Variants in RYR3 observed in about 807,000 individuals in gnomAD.
The protein encoded by RYR3 is ryanodine receptor 3, also known as brain ryanodine receptor-calcium release channel.
A neutral mutation model predicts 584.3 loss-of-function variants in RYR3; 207 were observed. The observed-to-expected ratio is 0.35, with a 90% confidence interval of 0.32 to 0.40. The LOEUF (loss-of-function observed/expected upper bound fraction) is 0.40. RYR3 is among the 10% of genes least tolerant of loss of function. The probability of loss-of-function intolerance (pLI) is 1.00; values close to 1 mark genes in which losing one functional copy is unlikely to be tolerated. For synonymous variants in RYR3, 2,416 were observed against 2,248.5 expected (o/e 1.07, Z -2.11); for missense variants, 5,616 against 6,089.2 (o/e 0.92, Z 2.59).
chr15:33,417,852 T>A (rs2043929485), intron 1 of RYR3, among the ~76,000 whole-genome samples: 1 of 152,180 alleles, frequency 6.6e-6, no homozygotes, highest in South Asian at 2.1e-4. Flanking sequence ...TTTTGAGGTA[T>A]GTTCCTTTGA....
In RYR3 at chr15:33,822,980, C is replaced by T. The variant is rs751352325; in HGVS notation, c.10996-16C>T. 7 of 1,606,918 alleles carry T rather than the reference C, an allele frequency of 4.4e-6. No homozygotes were observed. The highest frequency in any genetic ancestry group is 6.0e-6 in the Non-Finnish European group (7 of 1,175,652). On this transcript the variant is annotated splice_polypyrimidine_tract_variant and intron_variant, in intron 80 of 103. Coordinates refer to ENST00000634891, the MANE Select transcript of RYR3 (RefSeq NM_001036.6). ...GTTTTCATCGCTTTTCCCCTTACAA[C>T]GTGTCTCCCTTGCAGAAAATGCTAG...
At chr15:33,809,612 CTTT>C (rs34554811) in intron 70 of RYR3, among the ~76,000 whole-genome samples, 5,365 of 132,284 alleles carry the variant, frequency 0.041, 169 homozygotes, top group Middle Eastern at 0.081. Context: ...TCCTCTCTCT[CTTT>C]TTTTTTTTTT....
intron 1 of RYR3, among the ~76,000 whole-genome samples, chr15:33,349,666 C>T (rs138909555): frequency 6.8e-6 from 1 of 147,808 alleles, no homozygotes; most frequent in African/African-American, 2.5e-5. Flanking sequence ...CATATGTATA[C>T]ATGTGCCATG....
At position 33,678,043 on chromosome 15, in the gene RYR3, G is replaced by A. The variant is rs890984830; in HGVS notation, c.5860+7487G>A. ...ATAAAGTGAGGCTTGGGTTAAGAAG[G>A]GCCATCATCGTTGGGGAAATTCCGT... On this transcript the variant is annotated intron_variant, in intron 38 of 103. Transcript: ENST00000634891. Among the ~76,000 whole-genome samples the A allele has an allele frequency of 1.3e-5, 2 of 152,272 alleles. 1 individual carries two copies. Among genetic ancestry groups the A allele is most frequent in the Middle Eastern group, 6.8e-3 (2 of 294 alleles).
chr15:33,725,513 T>C (rs2068322428), intron 45 of RYR3, among the ~76,000 whole-genome samples: 1 of 152,090 alleles, frequency 6.6e-6, no homozygotes, highest in Non-Finnish European at 1.5e-5. Context: ...GGCCCATCAG[T>C]GTCGGGGTGG....
At chr15:33,451,094 A>G (rs1253866115) in intron 1 of RYR3, among the ~76,000 whole-genome samples, 2 of 152,332 alleles carry the variant, frequency 1.3e-5, no homozygotes, top group African/African-American at 4.8e-5. Context: ...TAAATGACAG[A>G]TAGTCTGAAC....
At chr15:33,812,753 T>G in intron 72 of RYR3, 110 bp from the exon 73 acceptor site, 1 of 986,140 alleles carries the variant, frequency 1.0e-6, no homozygotes, top group Non-Finnish European at 1.5e-6. Context: ...AGTGAAGTGA[T>G]AATAGAAGGA....
chr15:33,701,821 T>C (rs1323480909), intron 42 of RYR3, among the ~76,000 whole-genome samples: 2 of 152,048 alleles, frequency 1.3e-5, no homozygotes, highest in African/African-American at 4.8e-5. Context: ...TCAGCCGCAT[T>C]GTTGGGGAAG....
chr15:33,749,350 C>T (rs1266240098), intron 55 of RYR3, among the ~76,000 whole-genome samples: 1 of 152,176 alleles, frequency 6.6e-6, no homozygotes, highest in Non-Finnish European at 1.5e-5. Flanking sequence ...AAGCTGCTTC[C>T]TCCCGTTGCT....
At chr15:33,597,831 C>CA (rs34933584) in intron 16 of RYR3, among the ~76,000 whole-genome samples, 67,156 of 150,912 alleles carry the variant, frequency 0.45, 15,448 homozygotes, top group East Asian at 0.79. Context: ...TCTGTACACA[C>CA]AAAAAAATAC....
In RYR3 at chr15:33,818,582, C is replaced by T. The variant is rs748866407; in HGVS notation, c.10604C>T (p.Ser3535Phe). The T allele has an allele frequency of 1.2e-6, 2 of 1,612,212 alleles. No homozygotes were observed. The highest frequency in any genetic ancestry group is 2.2e-5 in the East Asian group (1 of 44,880). The change falls in exon 76 of 104, where the codon TCT becomes TTT. Residue 3535 changes from serine to phenylalanine, a missense_variant. Coordinates refer to ENST00000634891, the MANE Select transcript of RYR3 (RefSeq NM_001036.6). Reference sequence around the variant, plus strand: ...TATCTGTGTTGGTTTGTGTAGAAATCTCCAAAGGTGGAAGAGGAGGAGGAG... The same window carrying T: ...TATCTGTGTTGGTTTGTGTAGAAATTTCCAAAGGTGGAAGAGGAGGAGGAG... ...EEKLVQDLAK[S>F]PKVEEEEEEE...
At chr15:33,659,924 C>T in intron 33 of RYR3, 118 bp downstream of exon 33, 1 of 720,168 alleles carries the variant, frequency 1.4e-6, no homozygotes, top group Non-Finnish European at 2.4e-6. Flanking sequence ...ATAAGCCCCC[C>T]ACCCCCAGGC....
chr15:33,789,942 G>A (rs1194789482), intron 67 of RYR3, among the ~76,000 whole-genome samples: 1 of 137,198 alleles, frequency 7.3e-6, no homozygotes. Context: ...TCCCCAAACT[G>A]TTGGGATTAC....
At chr15:33,565,138 T>C (rs2057638082) in intron 11 of RYR3, among the ~76,000 whole-genome samples, 1 of 152,126 alleles carries the variant, frequency 6.6e-6, no homozygotes, top group African/African-American at 2.4e-5. Flanking sequence ...CTGAGATCAG[T>C]AGGGTTCATA....
chr15:33,580,219 TTG>T, intron 13 of RYR3, 75 bp downstream of exon 13: 2 of 1,225,914 alleles, frequency 1.6e-6, no homozygotes, highest in Admixed American at 2.3e-5. Context: ...CAACTTAGCT[TTG>T]TCTTTCTGCA....
chr15:33,466,751 T>G (rs568374992), intron 1 of RYR3, among the ~76,000 whole-genome samples: 1 of 152,256 alleles, frequency 6.6e-6, no homozygotes. Flanking sequence ...TTTTTATACA[T>G]AAGCATATTT....
chr15:33,490,971 C>A (rs1225180741), intron 2 of RYR3, among the ~76,000 whole-genome samples: 6 of 152,114 alleles, frequency 3.9e-5, no homozygotes, highest in African/African-American at 1.4e-4. Context: ...TGGTTCCCAT[C>A]TTGAATGAAC....
intron 66 of RYR3, among the ~76,000 whole-genome samples, chr15:33,786,959 G>T (rs1173307588): frequency 6.6e-6 from 1 of 152,104 alleles, no homozygotes; most frequent in African/African-American, 2.4e-5. Flanking sequence ...TTACCCATTA[G>T]CCCTAAAATA....
chr15:33,479,202 T>G (rs952869207), intron 2 of RYR3, among the ~76,000 whole-genome samples: 1 of 152,220 alleles, frequency 6.6e-6, no homozygotes, highest in African/African-American at 2.4e-5. Context: ...TGACATAAAT[T>G]AAGATTGCAT....
Sources: gnomAD v4.1 joint callset for allele counts (sites outside exome capture counted in the v4.1 genomes callset) on GRCh38, gnomAD v4.1.1 for gene constraint, MANE v1.5 for transcripts, NCBI Gene and HGNC (gene_info 2026-07-23, HGNC 2026-07-21) for gene names.